Variants in PLXNA4 observed in about 807,000 individuals in gnomAD.
The protein encoded by PLXNA4 is plexin A4, also known as plexin-A4.
In PLXNA4, 44 loss-of-function variants were observed where a neutral mutation model predicts 191.8. That is an observed-to-expected ratio of 0.23 (90% CI 0.18 to 0.29). The LOEUF (loss-of-function observed/expected upper bound fraction) is 0.29, where lower values mean the gene tolerates loss of function less well. PLXNA4 is among the 10% of genes least tolerant of loss of function. The probability of loss-of-function intolerance (pLI) is 1.00; values close to 1 mark genes in which losing one functional copy is unlikely to be tolerated. For missense variants in PLXNA4, 1,800 were observed against 2,488.8 expected (o/e 0.72, Z 5.89); for synonymous variants, 1,082 against 1,009.5 (o/e 1.07, Z -1.36).
intron 2 of PLXNA4, among the ~76,000 whole-genome samples, chr7:132,642,297 A>G (rs1803759555): frequency 6.6e-6 from 1 of 152,032 alleles, no homozygotes; most frequent in Non-Finnish European, 1.5e-5. Flanking sequence ...AATTTCCTCT[A>G]TTTTCCATCT....
intron 4 of PLXNA4, among the ~76,000 whole-genome samples, chr7:132,287,942 T>G (rs959823993): frequency 2.0e-5 from 3 of 152,108 alleles, no homozygotes; most frequent in African/African-American, 7.2e-5. Context: ...CACCACCCCA[T>G]CCCCAGAGAC....
chr7:132,178,740 G>T (rs543301830), intron 20 of PLXNA4, among the ~76,000 whole-genome samples: 1 of 71,636 alleles, frequency 1.4e-5, no homozygotes, highest in South Asian at 6.2e-4. Context: ...ACTTGTAAAT[G>T]AAACACATAC....
At chr7:132,317,913 G>A (rs1802008805) in intron 3 of PLXNA4, among the ~76,000 whole-genome samples, 1 of 152,214 alleles carries the variant, frequency 6.6e-6, no homozygotes, top group Non-Finnish European at 1.5e-5. Flanking sequence ...GAGAACAAGA[G>A]CCAGGCAGAG....
At chr7:132,638,273 G>A (rs947421030) in intron 2 of PLXNA4, among the ~76,000 whole-genome samples, 2 of 152,158 alleles carry the variant, frequency 1.3e-5, no homozygotes, top group African/African-American at 4.8e-5. Flanking sequence ...ATGAGGTCAT[G>A]AGCAGATCAA....
chr7:132,640,912 A>G (rs769452219), intron 2 of PLXNA4, among the ~76,000 whole-genome samples: 1 of 152,262 alleles, frequency 6.6e-6, no homozygotes, highest in Non-Finnish European at 1.5e-5. Flanking sequence ...GGGGAATAAA[A>G]GCAAAATAAA....
At chr7:132,503,524 A>G (rs1327214691) in intron 2 of PLXNA4, among the ~76,000 whole-genome samples, 1 of 152,140 alleles carries the variant, frequency 6.6e-6, no homozygotes, top group Non-Finnish European at 1.5e-5. Context: ...AGAAGGACAG[A>G]CAGCCATCAC....
At chr7:132,455,303 CA>C (rs1796272408) in intron 3 of PLXNA4, among the ~76,000 whole-genome samples, 1 of 152,100 alleles carries the variant, frequency 6.6e-6, no homozygotes, top group Admixed American at 6.5e-5. Context: ...GGTTCAACTT[CA>C]GGGGTGGGGA....
intron 3 of PLXNA4, chr7:132,385,054 C>G: frequency 6.7e-7 from 1 of 1,489,254 alleles, no homozygotes; most frequent in Non-Finnish European, 8.9e-7. Context: ...TCCCTAAGGA[C>G]TTGGGGTGGC....
chr7:132,566,039 A>G (rs1355788654), intron 1 of PLXNA4, among the ~76,000 whole-genome samples: 1 of 152,196 alleles, frequency 6.6e-6, no homozygotes, highest in Non-Finnish European at 1.5e-5. Context: ...TATAATTCTA[A>G]GCTCAGTCAC....
chr7:132,164,343 C>A, intron 23 of PLXNA4, 55 bp from the exon 24 acceptor site: 4 of 1,593,956 alleles, frequency 2.5e-6, no homozygotes, highest in Non-Finnish European at 2.6e-6. Flanking sequence ...GGAGTGTACC[C>A]CCAGTCCCTG....
At chr7:132,254,968 A>G (rs1278398535) in intron 4 of PLXNA4, among the ~76,000 whole-genome samples, 4 of 152,104 alleles carry the variant, frequency 2.6e-5, no homozygotes, top group African/African-American at 4.8e-5. Flanking sequence ...GGCTAATTCC[A>G]GGCTAATTTG....
intron 5 of PLXNA4, among the ~76,000 whole-genome samples, chr7:132,230,666 A>T (rs1176306511): frequency 6.6e-6 from 1 of 152,196 alleles, no homozygotes; most frequent in African/African-American, 2.4e-5. Context: ...AGCTAATGTT[A>T]TGGACTTTTC....
At chr7:132,137,960 A>G (rs281878) in intron 30 of PLXNA4, among the ~76,000 whole-genome samples, 111,391 of 150,508 alleles carry the variant, frequency 0.74, 42,544 homozygotes, top group African/African-American at 0.93. Context: ...GAGGACAGAT[A>G]AGAAGACTGG....
chr7:132,177,825 C>CA (rs1189608436), intron 20 of PLXNA4, among the ~76,000 whole-genome samples: 2 of 152,220 alleles, frequency 1.3e-5, no homozygotes, highest in African/African-American at 4.8e-5. Flanking sequence ...AACAGTCCCA[C>CA]AAGGCGGATG....
At chr7:132,618,267 T>G (rs577677841) in intron 2 of PLXNA4, among the ~76,000 whole-genome samples, 1 of 152,218 alleles carries the variant, frequency 6.6e-6, no homozygotes, top group Non-Finnish European at 1.5e-5. Context: ...AAGCTTTTCC[T>G]CCTACCTCAC....
intron 18 of PLXNA4, 101 bp downstream of exon 18, chr7:132,181,280 T>C: frequency 6.4e-7 from 1 of 1,561,390 alleles, no homozygotes; most frequent in Non-Finnish European, 8.7e-7. Context: ...CTGCAAGAGA[T>C]GCTGGTTGAG....
intron 9 of PLXNA4, among the ~76,000 whole-genome samples, chr7:132,220,456 A>T (rs968800468): frequency 1.3e-5 from 2 of 152,158 alleles, no homozygotes; most frequent in African/African-American, 4.8e-5. Flanking sequence ...AATGTATTCC[A>T]TGTGATAAGG....
At chr7:132,583,855 G>A (rs922811234) in intron 2 of PLXNA4, among the ~76,000 whole-genome samples, 3 of 152,192 alleles carry the variant, frequency 2.0e-5, no homozygotes, top group Admixed American at 6.5e-5. Context: ...AGGGACCCTC[G>A]AAGCCTGAAG....
chr7:132,381,593 A>T (rs937124328), intron 3 of PLXNA4, among the ~76,000 whole-genome samples: 4 of 152,240 alleles, frequency 2.6e-5, no homozygotes, highest in African/African-American at 9.6e-5. Flanking sequence ...AGTTGCAAGG[A>T]ACACAGTCTG....
Sources: allele counts gnomAD v4.1 joint callset (sites outside exome capture counted in the v4.1 genomes callset), GRCh38; gene constraint gnomAD v4.1.1; transcripts MANE v1.5; gene names NCBI Gene and HGNC (gene_info 2026-07-23, HGNC 2026-07-21).